CIT: variants seen among roughly 807,000 people sequenced by gnomAD.
The protein encoded by CIT is citron rho-interacting serine/threonine kinase.
In CIT, 79 loss-of-function variants were observed where a neutral mutation model predicts 272.7. The observed-to-expected ratio is 0.29, with a 90% CI of 0.24 to 0.35. The LOEUF (loss-of-function observed/expected upper bound fraction) is 0.35, where lower values mean the gene tolerates loss of function less well. Ranked by LOEUF, CIT falls within the 10% of genes least tolerant of loss-of-function variation. CIT has a pLI of 1.00. For missense variants in CIT, 1,909 were observed against 2,618.3 expected (o/e 0.73, Z 5.91); for synonymous variants, 948 against 995.6 (o/e 0.95, Z 0.90).
intron 47 of CIT, 55 bp from the exon 48 acceptor site, chr12:119,688,310 T>G: frequency 6.5e-7 from 1 of 1,542,906 alleles, no homozygotes; most frequent in Non-Finnish European, 9.0e-7. Flanking sequence ...GTTGCTGTGC[T>G]CACCTTGCAT....
In CIT at chr12:119,772,810, T is replaced by A; in HGVS notation, c.2042A>T (p.Asp681Val). ...CTTCTTTCTGATGCCTTCAGAAGAATCCTCTCGGTTCTGCAGCTTCTCCAG... is the reference window on the plus strand; with the variant it reads ...CTTCTTTCTGATGCCTTCAGAAGAAACCTCTCGGTTCTGCAGCTTCTCCAG... Reference protein sequence around the residue: ...RELEKLQNREDSSEGIRKKLV... With the variant: ...RELEKLQNREVSSEGIRKKLV... Residue 681 changes from aspartate to valine, a missense_variant, in exon 17 of 48, where the codon GAT (aspartate) becomes GTT (valine). Transcript: ENST00000392521. The A allele has an allele frequency of 1.9e-6, 3 of 1,613,988 alleles. No homozygotes were observed. Among genetic ancestry groups the A allele is most frequent in the Non-Finnish European group, 2.5e-6 (3 of 1,179,988 alleles).
At chr12:119,864,667 T>G (rs978182338) in intron 3 of CIT, among the ~76,000 whole-genome samples, 2 of 152,202 alleles carry the variant, frequency 1.3e-5, no homozygotes, top group Admixed American at 1.3e-4. Context: ...CTGCTGTATA[T>G]TTTTTACACA....
rs186873028 is a variant in CIT at position 119,800,583 on chromosome 12, C to T, written c.1295+2623G>A. Among the ~76,000 whole-genome samples, 21 of 152,310 alleles carry T rather than the reference C, an allele frequency of 1.4e-4. No individual in the cohort carries two copies. In the East Asian group the frequency reaches 4.0e-3, roughly 29 times the overall value. ...AATTCACTGGTAACAAATCTGAGGT[C>T]AATTTACCTAGCACAGTACAGCAGC... On this transcript the variant is annotated intron_variant, in intron 10 of 47. Transcript: ENST00000392521.
intron 10 of CIT, among the ~76,000 whole-genome samples, chr12:119,785,419 GA>G (rs1157100068): frequency 2.6e-5 from 4 of 152,128 alleles, no homozygotes; most frequent in Non-Finnish European, 5.9e-5. Flanking sequence ...CAATGGCTTT[GA>G]ACACGGAGGA....
At chr12:119,716,807 G>A (rs544387582) in intron 32 of CIT, among the ~76,000 whole-genome samples, 1 of 152,286 alleles carries the variant, frequency 6.6e-6, no homozygotes, top group African/African-American at 2.4e-5. Context: ...TCTGCAAGGT[G>A]TTTACAGTAA....
Position 119,825,273 on chromosome 12 carries a change from G to C in CIT, c.849C>G (p.Asp283Glu). Residue 283 changes from aspartate to glutamate, a missense_variant, in exon 8 of 48, where the codon GAC becomes GAG. By Grantham distance (45) the Asp-to-Glu change is conservative. This residue lies in a region of CIT where 529 missense variants were observed against 549.6 expected (regional missense o/e 0.96). Coordinates refer to ENST00000392521, the MANE Select transcript of CIT (RefSeq NM_001206999.2). ...TCACGCCCACTGACCACCAGTCACA[G>C]TCCAGGCCGTAGGTGCCTTTTCCAT... ...NGDGKGTYGL[D>E]CDWWSVGVIA... is the part of the protein sequence containing the mutation. 2 of 1,614,148 alleles carry C rather than the reference G, an allele frequency of 1.2e-6. No individual in the cohort carries two copies. The highest frequency in any genetic ancestry group is 8.5e-7 in the Non-Finnish European group (1 of 1,180,036).
At chr12:119,822,788 C>T (rs1244643176) in intron 9 of CIT, 32 bp downstream of exon 9, 2 of 1,610,860 alleles carry the variant, frequency 1.2e-6, no homozygotes, top group East Asian at 2.2e-5. Flanking sequence ...ATAATCCCAA[C>T]ATCCCAAATT....
intron 24 of CIT, 87 bp downstream of exon 24, chr12:119,742,324 T>A: frequency 1.1e-6 from 1 of 916,056 alleles, no homozygotes. Context: ...CAAAACTCAG[T>A]CACCAATATT....
In CIT at chr12:119,735,421, T is replaced by C. The variant is rs138476933; in HGVS notation, c.2959-64A>G. ...TTCATTTCAAATAAGAAATTGCTTCTAGGGCTATGGATTTCTGAACCCACG... is the reference window on the plus strand; with the variant it reads ...TTCATTTCAAATAAGAAATTGCTTCCAGGGCTATGGATTTCTGAACCCACG... On this transcript the variant is annotated intron_variant, in intron 24 of 47. Transcript: ENST00000392521. 158 of 1,536,130 alleles carry C rather than the reference T, an allele frequency of 1.0e-4. No homozygotes were observed. The African/African-American group carries it at 1.8e-3, about 18-fold the overall frequency.
chr12:119,787,730 CA>C (rs61554565), intron 10 of CIT, among the ~76,000 whole-genome samples: 66 of 49,060 alleles, frequency 1.3e-3, no homozygotes, highest in Middle Eastern at 0.017. Context: ...GACTCCGTCT[CA>C]AAAAAAAAAA....
At chr12:119,855,531 C>T (rs1306457844) in intron 4 of CIT, among the ~76,000 whole-genome samples, 1 of 152,140 alleles carries the variant, frequency 6.6e-6, no homozygotes, top group South Asian at 2.1e-4. Flanking sequence ...CAGGCCTTGT[C>T]TGCAGAACAG....
chr12:119,842,575 C>G (rs994064213), intron 5 of CIT, among the ~76,000 whole-genome samples: 1 of 151,994 alleles, frequency 6.6e-6, no homozygotes, highest in Non-Finnish European at 1.5e-5. Context: ...GAATACAGGA[C>G]TAGCTTTGTT....
chr12:119,860,556 A>C (rs1342602596), intron 3 of CIT, among the ~76,000 whole-genome samples: 2 of 152,092 alleles, frequency 1.3e-5, no homozygotes. Flanking sequence ...ACACAAAGCC[A>C]ATCTCTCCTA....
chr12:119,738,315 C>T (rs1299390909), intron 24 of CIT, among the ~76,000 whole-genome samples: 2 of 152,092 alleles, frequency 1.3e-5, no homozygotes, highest in Non-Finnish European at 2.9e-5. Flanking sequence ...TGATTTTGAT[C>T]CAGGGAATGT....
intron 3 of CIT, among the ~76,000 whole-genome samples, chr12:119,865,724 G>A (rs1339236208): frequency 6.6e-6 from 1 of 152,086 alleles, no homozygotes; most frequent in Non-Finnish European, 1.5e-5. Context: ...ACAAAAACTA[G>A]CTGAGTGTGG....
chr12:119,713,019 G>A lies in CIT; in HGVS notation c.4579+184C>T. On this transcript the variant is annotated intron_variant, in intron 35 of 47. Transcript: ENST00000392521. The surrounding 1 kb of genome is among the most constrained non-coding windows in gnomAD (Gnocchi z 5.2). ...CAGCGCCCTGCGGGTTCTTCAGGGG[G>A]GAGACCTATAGATGTGAGTATCGCA... The A allele has an allele frequency of 4.7e-6, 3 of 642,554 alleles. No homozygotes were observed. The highest frequency in any genetic ancestry group is 3.8e-5 in the South Asian group (2 of 53,138). 39.8% of individuals were successfully genotyped at this position (642,554 alleles called of 1,614,324 possible). A position where few individuals can be genotyped will look rare whatever the true frequency, so the allele number is the denominator to read the frequency against.
intron 37 of CIT, among the ~76,000 whole-genome samples, chr12:119,711,267 G>T (rs1468566598): frequency 6.6e-6 from 1 of 152,186 alleles, no homozygotes; most frequent in Non-Finnish European, 1.5e-5. Context: ...TCTGAAAAGA[G>T]CTGTTTGGTC....
intron 9 of CIT, among the ~76,000 whole-genome samples, chr12:119,817,663 T>C (rs1967316435): frequency 6.6e-6 from 1 of 152,118 alleles, no homozygotes; most frequent in South Asian, 2.1e-4. Context: ...CTAAATTCAA[T>C]GAAGGTAGGG....
At chr12:119,785,735 G>A (rs936152742) in intron 10 of CIT, among the ~76,000 whole-genome samples, 4 of 151,894 alleles carry the variant, frequency 2.6e-5, no homozygotes, top group Admixed American at 6.6e-5. Context: ...GCTCGTGACC[G>A]TGCCTGACTA....
Sources: gnomAD v4.1 joint callset for allele counts (sites outside exome capture counted in the v4.1 genomes callset) on GRCh38, gnomAD v4.1.1 for gene constraint, gnomAD v4.1.1 regional missense constraint, Gnocchi (gnomAD v3.1) non-coding constraint, MANE v1.5 for transcripts, NCBI Gene and HGNC (gene_info 2026-07-23, HGNC 2026-07-21) for gene names.